DIP2C: variants seen among roughly 807,000 people sequenced by gnomAD.
DIP2C encodes the protein disco-interacting protein 2 homolog C.
A neutral mutation model predicts 192.4 loss-of-function variants in DIP2C; 33 were observed. The ratio of observed to expected loss-of-function variants is 0.17; its 90% CI spans 0.13 to 0.23. The LOEUF is 0.23. Ranked by LOEUF, DIP2C falls within the 10% of genes least tolerant of loss-of-function variation. The probability of loss-of-function intolerance (pLI) is 1.00; values close to 1 mark genes in which losing one functional copy is unlikely to be tolerated. For synonymous variants in DIP2C, 979 were observed against 864.1 expected (o/e 1.13, Z -2.33); for missense variants, 1,537 against 2,110.1 (o/e 0.73, Z 5.32).
rs140762126 is a variant in DIP2C at position 636,381 on chromosome 10, G to A, written c.85+53113C>T. ...CCAAGTTTTCTCCACGTGGAGTTCCGACAACTAACATTTCGGTAGATTTGC... is the reference window on the plus strand; with the variant it reads ...CCAAGTTTTCTCCACGTGGAGTTCCAACAACTAACATTTCGGTAGATTTGC... On this transcript the variant is annotated intron_variant, in intron 1 of 36. Transcript: ENST00000280886. The surrounding 1 kb of genome is among the most constrained non-coding windows in gnomAD (Gnocchi z 4.6). Among the ~76,000 whole-genome samples, 334 of 152,216 alleles carry A rather than the reference G, an allele frequency of 2.2e-3. 4 individuals are homozygous for A. Among genetic ancestry groups the A allele is most frequent in the African/African-American group, 7.1e-3 (296 of 41,530 alleles).
At chr10:510,537 G>C (rs1056923368) in intron 1 of DIP2C, among the ~76,000 whole-genome samples, 3 of 152,234 alleles carry the variant, frequency 2.0e-5, no homozygotes, top group African/African-American at 7.2e-5. Context: ...AGCCGTGCCA[G>C]GCAGGCCTGG....
chr10:497,943 C>T (rs1248818322), intron 1 of DIP2C, among the ~76,000 whole-genome samples: 1 of 152,228 alleles, frequency 6.6e-6, no homozygotes, highest in Admixed American at 6.5e-5. Context: ...GCAGTCACAG[C>T]TCACAGCAGC....
chr10:672,775 G>A (rs1429098088), intron 1 of DIP2C, among the ~76,000 whole-genome samples: 1 of 152,106 alleles, frequency 6.6e-6, no homozygotes, highest in African/African-American at 2.4e-5. Context: ...TAATAGTGCC[G>A]TCTCTTGACC....
chr10:407,048 A>G (rs2133062455), intron 9 of DIP2C, among the ~76,000 whole-genome samples: 1 of 152,218 alleles, frequency 6.6e-6, no homozygotes, highest in East Asian at 1.9e-4. Context: ...AAAACTCTGA[A>G]CGATCCTCAA....
intron 1 of DIP2C, among the ~76,000 whole-genome samples, chr10:529,946 C>A (rs1300609961): frequency 6.6e-6 from 1 of 152,240 alleles, no homozygotes; most frequent in African/African-American, 2.4e-5. Context: ...TCTTTGCTAA[C>A]AAATTCCTAA....
At chr10:385,076 G>A (rs551670556) in intron 14 of DIP2C, among the ~76,000 whole-genome samples, 2 of 149,044 alleles carry the variant, frequency 1.3e-5, no homozygotes, top group East Asian at 2.0e-4. Flanking sequence ...CTCAGGGAGC[G>A]CCACGGACAC....
At chr10:331,814 A>C (rs1212276787) in intron 29 of DIP2C, among the ~76,000 whole-genome samples, 3 of 152,226 alleles carry the variant, frequency 2.0e-5, no homozygotes, top group Non-Finnish European at 4.4e-5. Flanking sequence ...TAAGGGGTGA[A>C]TATCAGGCCT....
intron 6 of DIP2C, 47 bp from the exon 7 acceptor site, chr10:415,935 C>T (rs1330103752): frequency 1.9e-6 from 3 of 1,611,326 alleles, no homozygotes; most frequent in Admixed American, 3.3e-5. Context: ...ATCACAGCTT[C>T]AATGAGCACC....
chr10:575,788 T>C (rs1850112117), intron 1 of DIP2C, among the ~76,000 whole-genome samples: 3 of 152,198 alleles, frequency 2.0e-5, no homozygotes, highest in Admixed American at 2.0e-4. Flanking sequence ...AGGGGCACAG[T>C]TTCCTCCCAC....
At position 651,277 on chromosome 10, in the gene DIP2C, CCAA is replaced by C. The variant is rs1564306832; in HGVS notation, c.85+38214_85+38216del. On this transcript the variant is annotated intron_variant, in intron 1 of 36. Transcript: ENST00000280886. The surrounding 1 kb of genome is among the most constrained non-coding windows in gnomAD (Gnocchi z 4.1). Reference sequence around the variant, plus strand: ...TCCGGTCACCAGTCGGCCTCCCCCACCAACGTGGACTCCTTACAAGCAGAGCCA... The same window carrying C: ...TCCGGTCACCAGTCGGCCTCCCCCACCGTGGACTCCTTACAAGCAGAGCCA... The C allele has an allele frequency of 2.8e-6, 2 of 713,046 alleles. No individual in the cohort carries two copies. The highest frequency in any genetic ancestry group is 4.0e-5 in the Admixed American group (2 of 50,014). 44.2% of individuals were successfully genotyped at this position (713,046 alleles called of 1,614,324 possible). A position where few individuals can be genotyped will look rare whatever the true frequency, so the allele number is the denominator to read the frequency against.
intron 1 of DIP2C, among the ~76,000 whole-genome samples, chr10:517,518 G>A (rs1202326114): frequency 6.6e-6 from 1 of 152,200 alleles, no homozygotes; most frequent in African/African-American, 2.4e-5. Context: ...CGCCGAAGAG[G>A]AGCAGGTGTT....
chr10:287,489 G>T (rs1955206356), intron 33 of DIP2C, among the ~76,000 whole-genome samples: 1 of 152,066 alleles, frequency 6.6e-6, no homozygotes, highest in Admixed American at 6.6e-5. Flanking sequence ...TCTGGATTCT[G>T]CTGCTGACTA....
chr10:653,886 C>T (rs777269601), intron 1 of DIP2C, among the ~76,000 whole-genome samples: 2 of 152,308 alleles, frequency 1.3e-5, no homozygotes, highest in East Asian at 1.9e-4. Context: ...TCAGAAGAGA[C>T]GCACCAACTC....
intron 1 of DIP2C, among the ~76,000 whole-genome samples, chr10:586,468 G>GCCA (rs1851031816): frequency 7.3e-6 from 1 of 136,228 alleles, no homozygotes; most frequent in Admixed American, 6.8e-5. Context: ...CACGCCAGAG[G>GCCA]CCACCCCAGG....
chr10:413,558 G>A (rs1435119510), intron 8 of DIP2C, among the ~76,000 whole-genome samples: 2 of 152,180 alleles, frequency 1.3e-5, no homozygotes, highest in Non-Finnish European at 2.9e-5. Flanking sequence ...AAATCAAATA[G>A]TTTTCCTAAA....
At chr10:408,832 A>G in intron 9 of DIP2C, 94 bp downstream of exon 9, 1 of 1,201,764 alleles carries the variant, frequency 8.3e-7, no homozygotes, top group Non-Finnish European at 1.2e-6. Context: ...TAGAAAGTGG[A>G]GGTGGCGCTG....
chr10:511,012 A>G (rs1395464474), intron 1 of DIP2C, among the ~76,000 whole-genome samples: 1 of 152,196 alleles, frequency 6.6e-6, no homozygotes, highest in African/African-American at 2.4e-5. Context: ...TTAGCCTTCG[A>G]GATGCAGTTG....
chr10:512,047 C>G (rs541789960), intron 1 of DIP2C, among the ~76,000 whole-genome samples: 8 of 152,326 alleles, frequency 5.3e-5, no homozygotes, highest in African/African-American at 1.9e-4. Context: ...GGGTCGCCCA[C>G]AGACGGCCGT....
intron 1 of DIP2C, among the ~76,000 whole-genome samples, chr10:512,119 C>G (rs372790702): frequency 1.2e-4 from 18 of 152,368 alleles, no homozygotes; most frequent in African/African-American, 3.8e-4. Flanking sequence ...GTCAACCTTC[C>G]TAAGCAATGT....
Sources: allele counts gnomAD v4.1 joint callset (sites outside exome capture counted in the v4.1 genomes callset), GRCh38; gene constraint gnomAD v4.1.1; non-coding constraint Gnocchi (gnomAD v3.1); transcripts MANE v1.5; gene names NCBI Gene and HGNC (gene_info 2026-07-23, HGNC 2026-07-21).